ZMAT1: variants seen among roughly 807,000 people sequenced by gnomAD.
The protein encoded by ZMAT1 is zinc finger matrin-type protein 1.
In ZMAT1, 11 loss-of-function variants were observed where a neutral mutation model predicts 18.5. The observed-to-expected ratio is 0.59, with a 90% confidence interval of 0.37 to 0.98. The LOEUF (loss-of-function observed/expected upper bound fraction) is 0.98, where lower values mean the gene tolerates loss of function less well. ZMAT1 is among the 50% of genes least tolerant of loss of function. The pLI, the probability that ZMAT1 is intolerant of heterozygous loss-of-function variation, is 0.01. For missense variants in ZMAT1, 525 were observed against 496.2 expected, an observed-to-expected ratio of 1.06 and a Z score of -0.55; for synonymous variants, 211 against 176.4, an observed-to-expected ratio of 1.20 and a Z score of -1.55.
intron 1 of ZMAT1, among the ~76,000 whole-genome samples, chrX:101,918,996 C>T (rs1459018601): frequency 9.0e-6 from 1 of 111,286 alleles, no homozygotes; most frequent in Non-Finnish European, 1.9e-5. Context: ...TCCTTTGACT[C>T]ATTTCCTCAA....
At chrX:101,921,279 A>G (rs950417267) in intron 1 of ZMAT1, among the ~76,000 whole-genome samples, 3 of 111,966 alleles carry the variant, frequency 2.7e-5, no homozygotes, top group African/African-American at 6.5e-5. Flanking sequence ...AGCGGTTCCC[A>G]GTCATATTTT....
intron 4 of ZMAT1, chrX:101,889,411 A>T (rs769504936): frequency 9.0e-6 from 1 of 111,050 alleles, no homozygotes; most frequent in Non-Finnish European, 1.9e-5. Flanking sequence ...CACTACCCTG[A>T]AACTTGTGGG....
At chrX:101,901,393 A>G (rs1424016685) in intron 2 of ZMAT1, among the ~76,000 whole-genome samples, 1 of 111,234 alleles carries the variant, frequency 9.0e-6, no homozygotes, top group Non-Finnish European at 1.9e-5. Flanking sequence ...TCCATTCCTC[A>G]GAGGGAATGC....
intron 1 of ZMAT1, among the ~76,000 whole-genome samples, chrX:101,928,971 C>T (rs1930235883): frequency 9.0e-6 from 1 of 110,943 alleles, no homozygotes; most frequent in African/African-American, 3.3e-5. Flanking sequence ...TCTCATAATT[C>T]CCTTTACTGT....
At position 101,883,466 on chromosome X, in the gene ZMAT1, G is replaced by GTT. The variant is rs370996061; in HGVS notation, c.*42_*43dup. 169 of 831,782 alleles carry GTT rather than the reference G, an allele frequency of 2.0e-4. No homozygotes were observed. Among genetic ancestry groups the GTT allele is most frequent in the Admixed American group, 2.3e-4 (6 of 25,588 alleles). The allele number at this position is 831,782 out of a possible 1,213,427, so 68.5% of individuals were successfully genotyped here. ...TCCTTTTTCTAAATCCATATTGACT[G>GTT]TTTTTTTTTTTCAATTCAACCTTGG... On this transcript the variant is annotated 3_prime_UTR_variant, in exon 6 of 6. Coordinates refer to ENST00000651725, the MANE Select transcript of ZMAT1 (RefSeq NM_001394560.1).
At chrX:101,891,979 T>C (rs763095534) in intron 4 of ZMAT1, among the ~76,000 whole-genome samples, 4 of 111,544 alleles carry the variant, frequency 3.6e-5, no homozygotes, top group Non-Finnish European at 7.6e-5. Flanking sequence ...AGGATTTAGT[T>C]AAACCAAGAT....
intron 4 of ZMAT1, among the ~76,000 whole-genome samples, chrX:101,890,547 G>T (rs1927304367): frequency 9.0e-6 from 1 of 111,648 alleles, no homozygotes; most frequent in South Asian, 3.7e-4. Flanking sequence ...GAATACCTAT[G>T]TGGCACCAAG....
At chrX:101,930,323 C>T (rs952872793) in intron 1 of ZMAT1, among the ~76,000 whole-genome samples, 3 of 112,164 alleles carry the variant, frequency 2.7e-5, no homozygotes, top group Non-Finnish European at 5.6e-5. Context: ...ATGTTTCCAT[C>T]CATTAAGGCT....
chrX:101,897,240 C>CA (rs1197163255), intron 4 of ZMAT1, among the ~76,000 whole-genome samples: 4 of 101,439 alleles, frequency 3.9e-5, no homozygotes, highest in Non-Finnish European at 7.9e-5. Flanking sequence ...ATCGCAAGAA[C>CA]AAAAAACCAA....
intron 4 of ZMAT1, chrX:101,892,859 A>G (rs953483483): frequency 6.6e-6 from 2 of 305,233 alleles, no homozygotes; most frequent in Non-Finnish European, 8.7e-6. Context: ...AGGAAGGCAG[A>G]CAGAAGAAAA....
At chrX:101,916,337 G>C (rs770434292) in intron 1 of ZMAT1, among the ~76,000 whole-genome samples, 74 of 110,966 alleles carry the variant, frequency 6.7e-4, no homozygotes, top group African/African-American at 2.3e-3. Flanking sequence ...AGCAAACCAT[G>C]GCACATATAT....
intron 4 of ZMAT1, chrX:101,892,615 G>A (rs1240099633): frequency 4.3e-6 from 1 of 232,611 alleles, no homozygotes; most frequent in African/African-American, 3.0e-5. Context: ...TTGAGTTATA[G>A]GTGAAGGTGA....
At position 101,886,613 on chromosome X, in the gene ZMAT1, T is replaced by C. The variant is rs375575297; in HGVS notation, c.776+19A>G. The C allele has an allele frequency of 1.1e-5, 13 of 1,143,069 alleles. No individual in the cohort carries two copies. The African/African-American group carries it at 2.4e-4, about 21-fold the overall frequency. 94.2% of individuals were successfully genotyped at this position (1,143,069 alleles called of 1,213,427 possible). A position where few individuals can be genotyped will look rare whatever the true frequency, so the allele number is the denominator to read the frequency against. ...TCTGGTCTTTGGTATCATAGGAAAA[T>C]TTTGGCAAAAATACTTACTTAATTT... On this transcript the variant is annotated intron_variant, in intron 5 of 5. Coordinates refer to ENST00000651725, the MANE Select transcript of ZMAT1 (RefSeq NM_001394560.1).
chrX:101,894,478 T>C, intron 4 of ZMAT1: 8 of 753,061 alleles, frequency 1.1e-5, no homozygotes, highest in Non-Finnish European at 1.3e-5. Context: ...TTTGAATGAC[T>C]AGGTGGATTT....
chrX:101,890,808 T>C (rs980107962), intron 4 of ZMAT1, among the ~76,000 whole-genome samples: 2 of 110,217 alleles, frequency 1.8e-5, no homozygotes, highest in African/African-American at 6.6e-5. Context: ...CTGAAAAGAG[T>C]TGAGAAGAGT....
chrX:101,904,854 AT>A (rs1312811736), intron 1 of ZMAT1, among the ~76,000 whole-genome samples: 1 of 111,479 alleles, frequency 9.0e-6, no homozygotes, highest in Non-Finnish European at 1.9e-5. Context: ...GGAGGCTGAG[AT>A]GATCACTTGA....
chrX:101,898,264 T>A, intron 2 of ZMAT1, 44 bp from the exon 3 acceptor site: 1 of 1,097,607 alleles, frequency 9.1e-7, no homozygotes, highest in Non-Finnish European at 1.2e-6. Flanking sequence ...AATAAAAGAG[T>A]CATTCAAAAT....
intron 2 of ZMAT1, among the ~76,000 whole-genome samples, chrX:101,899,491 T>C (rs932274223): frequency 1.8e-5 from 2 of 111,414 alleles, no homozygotes; most frequent in Admixed American, 9.5e-5. Context: ...CCAAAGTCCA[T>C]TGCATCATTC....
At chrX:101,907,830 T>C (rs1320437236) in intron 1 of ZMAT1, among the ~76,000 whole-genome samples, 1 of 110,707 alleles carries the variant, frequency 9.0e-6, no homozygotes, top group Non-Finnish European at 1.9e-5. Flanking sequence ...AGAAATAATC[T>C]ATGAACTCAA....
Sources: allele counts gnomAD v4.1 joint callset (sites outside exome capture counted in the v4.1 genomes callset), GRCh38; gene constraint gnomAD v4.1.1; transcripts MANE v1.5; gene names NCBI Gene and HGNC (gene_info 2026-07-23, HGNC 2026-07-21).